PABPC4L: variants seen among roughly 807,000 people sequenced by gnomAD.
PABPC4L encodes the protein polyadenylate-binding protein 4-like.
For synonymous variants in PABPC4L, 169 were observed against 164.1 expected (o/e 1.03, Z -0.23); for missense variants, 452 against 451.4 (o/e 1.00, Z -0.01).
At chr4:134,084,077 C>T in the PABPC4L span, among the ~76,000 whole-genome samples, 1 of 152,022 alleles carries the variant, frequency 6.6e-6, no homozygotes. Context: ...GAGACAGGGT[C>T]TTGCTCTGCT....
chr4:133,993,358 CTG>C, the PABPC4L span, among the ~76,000 whole-genome samples: 10 of 152,110 alleles, frequency 6.6e-5, no homozygotes, highest in African/African-American at 2.2e-4. Flanking sequence ...ATTGTTGAAA[CTG>C]TGAGCTGATG....
chr4:134,177,615 C>A, the PABPC4L span, among the ~76,000 whole-genome samples: 25 of 152,116 alleles, frequency 1.6e-4, no homozygotes, highest in Admixed American at 5.2e-4. Context: ...AGCTTCTAGC[C>A]CGCAGTTCCA....
At position 134,200,269 on chromosome 4, in the gene PABPC4L, T is replaced by G. The variant is rs186982893; in HGVS notation, c.751A>C (p.Asn251His). 1.9e-6 allele frequency: 3 copies of G among 1,561,208 alleles called. No homozygotes were observed. The highest frequency in any genetic ancestry group is 8.7e-7 in the Non-Finnish European group (1 of 1,151,892). Residue 251 changes from asparagine to histidine, a missense_variant, in exon 2 of 2, where the codon AAT becomes CAT. Coordinates refer to ENST00000421491, the MANE Select transcript of PABPC4L (RefSeq NM_001114734.2). ...AGCTGCCCATTTATGTCCCTTCCAT[T>G]CATTTCTTCAACAGCTTTCTTGGCA... Reference protein sequence around the residue: ...EAAKKAVEEMNGRDINGQLIF... With the variant: ...EAAKKAVEEMHGRDINGQLIF...
chr4:134,005,534 C>A, the PABPC4L span, among the ~76,000 whole-genome samples: 1 of 151,602 alleles, frequency 6.6e-6, no homozygotes, highest in East Asian at 1.9e-4. Context: ...TTTTAGTAAT[C>A]CAAGTAAATA....
chr4:133,957,968 A>G, the PABPC4L span, among the ~76,000 whole-genome samples: 10 of 152,192 alleles, frequency 6.6e-5, no homozygotes, highest in Non-Finnish European at 1.3e-4. Flanking sequence ...CCTCTGAGCT[A>G]GTGATGAGAG....
the PABPC4L span, among the ~76,000 whole-genome samples, chr4:134,031,897 T>C: frequency 7.2e-5 from 11 of 152,066 alleles, no homozygotes; most frequent in Non-Finnish European, 1.3e-4. Context: ...AATTGTTCTG[T>C]AATAAATCTA....
chr4:134,002,924 A>C, the PABPC4L span, among the ~76,000 whole-genome samples: 1 of 151,794 alleles, frequency 6.6e-6, no homozygotes. Context: ...GAACATGAGG[A>C]GTCTATTGTT....
chr4:134,114,145 C>T, the PABPC4L span, among the ~76,000 whole-genome samples: 3 of 151,486 alleles, frequency 2.0e-5, no homozygotes, highest in Non-Finnish European at 4.4e-5. Flanking sequence ...GTAATAGGAA[C>T]AAGAGGGTGG....
chr4:134,118,175 T>A, the PABPC4L span, among the ~76,000 whole-genome samples: 1 of 151,772 alleles, frequency 6.6e-6, no homozygotes, highest in South Asian at 2.1e-4. Flanking sequence ...CCAGTACCCA[T>A]GAGAGAGTGA....
chr4:134,006,912 T>A, the PABPC4L span, among the ~76,000 whole-genome samples: 2 of 150,360 alleles, frequency 1.3e-5, no homozygotes, highest in Admixed American at 6.7e-5. Context: ...AAAAAAAAAA[T>A]TGTGTTGATA....
the PABPC4L span, among the ~76,000 whole-genome samples, chr4:134,085,869 C>G: frequency 6.6e-6 from 1 of 152,106 alleles, no homozygotes; most frequent in Non-Finnish European, 1.5e-5. Context: ...TGAGCATTCA[C>G]GTACATTTCT....
At chr4:134,160,731 G>A in the PABPC4L span, among the ~76,000 whole-genome samples, 3 of 152,016 alleles carry the variant, frequency 2.0e-5, no homozygotes, top group Admixed American at 1.3e-4. Flanking sequence ...TAGCCAGGTG[G>A]TATGTGCCTG....
the PABPC4L span, among the ~76,000 whole-genome samples, chr4:134,095,670 A>G: frequency 6.6e-6 from 1 of 151,916 alleles, no homozygotes; most frequent in African/African-American, 2.4e-5. Context: ...TTCAATGTTA[A>G]TTTTATCTTA....
the PABPC4L span, among the ~76,000 whole-genome samples, chr4:134,134,386 A>T: frequency 6.6e-6 from 1 of 152,024 alleles, no homozygotes; most frequent in African/African-American, 2.4e-5. Context: ...AAAGTGGATG[A>T]TTTCAGTAAT....
the PABPC4L span, among the ~76,000 whole-genome samples, chr4:134,083,187 A>T: frequency 3.3e-5 from 5 of 152,166 alleles, no homozygotes; most frequent in African/African-American, 1.2e-4. Context: ...TGTAATATAC[A>T]TTCTGGATGG....
the PABPC4L span, among the ~76,000 whole-genome samples, chr4:134,156,364 A>G: frequency 6.6e-6 from 1 of 151,850 alleles, no homozygotes; most frequent in African/African-American, 2.4e-5. Flanking sequence ...TTTTAAGTAA[A>G]TAGTGCTCGT....
chr4:134,081,619 C>A, the PABPC4L span, among the ~76,000 whole-genome samples: 1 of 152,024 alleles, frequency 6.6e-6, no homozygotes, highest in Non-Finnish European at 1.5e-5. Flanking sequence ...TGGGTTCAAA[C>A]CTGCTGTGAA....
the PABPC4L span, among the ~76,000 whole-genome samples, chr4:134,052,257 AT>A: frequency 6.6e-6 from 1 of 152,192 alleles, no homozygotes; most frequent in East Asian, 1.9e-4. Flanking sequence ...TGACATGAAT[AT>A]TCTCAATATA....
chr4:134,084,410 A>G, the PABPC4L span, among the ~76,000 whole-genome samples: 43 of 152,192 alleles, frequency 2.8e-4, no homozygotes, highest in African/African-American at 9.9e-4. Context: ...TGAGTTTCCT[A>G]CTTTATTTGA....
Sources: allele counts gnomAD v4.1 joint callset (sites outside exome capture counted in the v4.1 genomes callset), GRCh38; gene constraint gnomAD v4.1.1; transcripts MANE v1.5; gene names NCBI Gene and HGNC (gene_info 2026-07-23, HGNC 2026-07-21).